The following MAST4 variants were observed in gnomAD, a reference collection of about 807,000 sequenced individuals.
MAST4 encodes microtubule associated serine/threonine kinase family member 4.
Under a neutral mutation model 162.7 loss-of-function variants are expected in MAST4, and 89 were observed. That is an observed-to-expected ratio of 0.55 (90% confidence interval 0.46 to 0.65). MAST4 has a LOEUF of 0.65. Among genes scored for constraint, MAST4 ranks in the 30% least tolerant of loss-of-function variants. The pLI is 0.00. For synonymous variants in MAST4, 1,479 were observed against 1,361.1 expected (o/e 1.09, Z -1.91); for missense variants, 3,153 against 3,374.0 (o/e 0.93, Z 1.62).
rs551544498 is a variant in MAST4, at chr5:66,699,482, T to C, written c.364-60227T>C. Among the ~76,000 whole-genome samples, 16 of 152,342 alleles carry C rather than the reference T, an allele frequency of 1.1e-4. No individual in the cohort carries two copies. In the East Asian group the frequency reaches 2.7e-3, roughly 26 times the overall value. ...GATTTTTTTGTTAGTCACCAATCCA[T>C]TAATTCTCTTTGTCTCATGGACCAA... is the stretch of plus-strand genomic sequence containing the variant. On this transcript the variant is annotated intron_variant, in intron 1 of 28. Transcript: ENST00000403625.
rs78111488 is a variant in MAST4, at chr5:66,973,689, G to A, written c.674+73707G>A. ...GGTTTTTGCTTTCATTGATGACCTT[G>A]CTCAAATCATTTATTACATTGCTGT... On this transcript the variant is annotated intron_variant, in intron 4 of 28. Coordinates refer to ENST00000403625, the MANE Select transcript of MAST4 (RefSeq NM_001164664.2). Among the ~76,000 whole-genome samples the A allele has an allele frequency of 5.3e-5, 8 of 152,184 alleles. No individual in the cohort carries two copies. The East Asian group carries it at 1.2e-3, about 22-fold the overall frequency.
intron 4 of MAST4, among the ~76,000 whole-genome samples, chr5:66,999,911 T>C (rs763458738): frequency 2.0e-5 from 3 of 152,248 alleles, no homozygotes; most frequent in Non-Finnish European, 4.4e-5. Context: ...TCTTTCTCCA[T>C]ATTTTAGCAT....
chr5:67,119,557 G>A (rs1262271396), intron 13 of MAST4, among the ~76,000 whole-genome samples: 3 of 152,222 alleles, frequency 2.0e-5, no homozygotes, highest in South Asian at 2.1e-4. Context: ...TCTGTGCCTC[G>A]GTTTCCCTGT....
chr5:66,637,956 GC>G (rs1457950844), intron 1 of MAST4, among the ~76,000 whole-genome samples: 1 of 152,088 alleles, frequency 6.6e-6, no homozygotes, highest in Non-Finnish European at 1.5e-5. Context: ...GCCTGCCTTG[GC>G]CTCCCAAAGA....
In MAST4 at chr5:67,102,443, G is replaced by A; in HGVS notation, c.1071-93G>A. On this transcript the variant is annotated intron_variant, in intron 8 of 28. Coordinates refer to ENST00000403625, the MANE Select transcript of MAST4 (RefSeq NM_001164664.2). Reference sequence around the variant, plus strand: ...ATACTTTTCTTACAAAGGTTGCATAGTACTTTTGATGCAACTGACTGTTTA... The same window carrying A: ...ATACTTTTCTTACAAAGGTTGCATAATACTTTTGATGCAACTGACTGTTTA... The A allele has an allele frequency of 3.6e-6, 4 of 1,124,674 alleles. No homozygotes were observed. The South Asian group carries it at 3.7e-5, about 10-fold the overall frequency. The allele number at this position is 1,124,674 out of a possible 1,614,324, so 69.7% of individuals were successfully genotyped here. A position where few individuals can be genotyped will look rare whatever the true frequency, so the allele number is the denominator to read the frequency against.
intron 2 of MAST4, among the ~76,000 whole-genome samples, chr5:66,786,676 G>T (rs1172961060): frequency 2.0e-5 from 3 of 152,054 alleles, no homozygotes; most frequent in African/African-American, 4.8e-5. Flanking sequence ...GCCTACAGGG[G>T]ACCGATTTCT....
At chr5:66,892,055 T>C (rs1561419979) in intron 3 of MAST4, among the ~76,000 whole-genome samples, 1 of 152,336 alleles carries the variant, frequency 6.6e-6, no homozygotes, top group East Asian at 1.9e-4. Context: ...AGGAAGTTCT[T>C]TCCCAGAAGC....
chr5:66,845,126 T>TATATATATACACACAC (rs1358855625), intron 3 of MAST4, among the ~76,000 whole-genome samples: 27 of 67,168 alleles, frequency 4.0e-4, no homozygotes, highest in East Asian at 1.6e-3. Context: ...TATATATATA[T>TATATATATACACACAC]ACACACACAC....
chr5:66,788,841 C>A, intron 3 of MAST4, 47 bp downstream of exon 3: 1 of 1,493,822 alleles, frequency 6.7e-7, no homozygotes, highest in Non-Finnish European at 8.9e-7. Context: ...CTCACCACCT[C>A]TCTAGGGACA....
intron 4 of MAST4, among the ~76,000 whole-genome samples, chr5:67,039,566 C>T (rs190631787): frequency 1.4e-4 from 22 of 152,234 alleles, no homozygotes; most frequent in African/African-American, 4.3e-4. Context: ...AGGCTAGGGA[C>T]GAATGAGTTC....
intron 1 of MAST4, among the ~76,000 whole-genome samples, chr5:66,756,261 G>C (rs1294250898): frequency 6.6e-6 from 1 of 152,178 alleles, no homozygotes; most frequent in African/African-American, 2.4e-5. Context: ...AGCAAATCCA[G>C]TCACACAAAT....
intron 4 of MAST4, among the ~76,000 whole-genome samples, chr5:66,981,337 A>G (rs778544640): frequency 2.5e-4 from 38 of 152,248 alleles, no homozygotes; most frequent in Non-Finnish European, 4.6e-4. Context: ...TATGCAGTCA[A>G]TTGTTCGTTT....
At chr5:66,841,928 C>A (rs1409508232) in intron 3 of MAST4, among the ~76,000 whole-genome samples, 1 of 152,102 alleles carries the variant, frequency 6.6e-6, no homozygotes, top group East Asian at 1.9e-4. Flanking sequence ...ATACGTAAGG[C>A]CTTGTACTTT....
chr5:66,757,088 A>G (rs1386405441), intron 1 of MAST4, among the ~76,000 whole-genome samples: 1 of 151,604 alleles, frequency 6.6e-6, no homozygotes, highest in Admixed American at 6.6e-5. Context: ...TGGCTTTCCT[A>G]TTTAGGAATT....
chr5:67,100,142 T>C (rs1403084321), intron 7 of MAST4, among the ~76,000 whole-genome samples: 1 of 152,220 alleles, frequency 6.6e-6, no homozygotes, highest in Non-Finnish European at 1.5e-5. Context: ...CAGTGGTCGC[T>C]TTCTTGCTTT....
chr5:66,682,015 G>A (rs975293185), intron 1 of MAST4, among the ~76,000 whole-genome samples: 3 of 152,162 alleles, frequency 2.0e-5, no homozygotes, highest in African/African-American at 7.2e-5. Flanking sequence ...AGTCTATCGT[G>A]TGTGTGTGCT....
intron 1 of MAST4, among the ~76,000 whole-genome samples, chr5:66,660,536 G>A (rs1035215156): frequency 9.2e-5 from 14 of 152,160 alleles, no homozygotes; most frequent in Non-Finnish European, 2.9e-5. Context: ...GACCATAACC[G>A]GGACTTACTT....
chr5:66,877,713 C>A (rs26920), intron 3 of MAST4, among the ~76,000 whole-genome samples: 1 of 152,080 alleles, frequency 6.6e-6, no homozygotes, highest in Non-Finnish European at 1.5e-5. Flanking sequence ...ATATGGACTC[C>A]TTAGTGTACA....
chr5:67,129,223 C>T (rs182677847), intron 14 of MAST4, among the ~76,000 whole-genome samples: 70 of 152,242 alleles, frequency 4.6e-4, no homozygotes, highest in African/African-American at 1.6e-3. Flanking sequence ...CCTGTTGAAA[C>T]GGCCATGGGG....
Sources: allele counts gnomAD v4.1 joint callset (sites outside exome capture counted in the v4.1 genomes callset), GRCh38; gene constraint gnomAD v4.1.1; transcripts MANE v1.5; gene names NCBI Gene and HGNC (gene_info 2026-07-23, HGNC 2026-07-21).